SBNO2: variants seen among roughly 807,000 people sequenced by gnomAD.
SBNO2 encodes the protein strawberry notch homolog 2.
A neutral mutation model predicts 146.3 loss-of-function variants in SBNO2; 89 were observed. The observed-to-expected ratio is 0.61, with a 90% CI of 0.51 to 0.73. The LOEUF (loss-of-function observed/expected upper bound fraction) is 0.73. SBNO2 is among the 30% of genes least tolerant of loss of function. The probability of loss-of-function intolerance (pLI) is 0.00; values close to 1 mark genes in which losing one functional copy is unlikely to be tolerated. For missense variants in SBNO2, 2,092 were observed against 2,003.7 expected, an observed-to-expected ratio of 1.04 and a Z score of -0.84; for synonymous variants, 1,147 against 892.6, an observed-to-expected ratio of 1.29 and a Z score of -5.08.
At position 1,109,765 on chromosome 19, in the gene SBNO2, C is replaced by T; in HGVS notation, c.3041G>A (p.Gly1014Asp). 6.3e-7 allele frequency: 1 copy of T among 1,594,996 alleles called. No individual in the cohort carries two copies. Among genetic ancestry groups the T allele is most frequent in the East Asian group, 2.2e-5 (1 of 44,540 alleles). The change falls in exon 27 of 32, where the codon GGT becomes GAT. Residue 1014 changes from glycine to aspartate, a missense_variant. By Grantham distance (94) the Gly-to-Asp change is moderately conservative. Coordinates refer to ENST00000361757, the MANE Select transcript of SBNO2 (RefSeq NM_014963.3). This position sits in a 1 kb window ranked among gnomAD's most constrained non-coding sequence, Gnocchi z 4.2. Reference protein sequence around the residue: ...YDMGILDLAPGIEEIYEESQQ... With the variant: ...YDMGILDLAPDIEEIYEESQQ... ...GCTCTCCTCGTAGATCTCCTCGATA[C>T]CGGGAGCAAGGTCTAGGGGGGCGGG...
intron 10 of SBNO2, 60 bp downstream of exon 10, chr19:1,122,408 C>G (rs957193542): frequency 1.3e-6 from 2 of 1,527,704 alleles, no homozygotes; most frequent in African/African-American, 1.4e-5. Context: ...GCTGAGCAGC[C>G]CCCACTTTGC....
At chr19:1,141,506 G>A (rs774055155) in intron 4 of SBNO2, among the ~76,000 whole-genome samples, 1 of 151,372 alleles carries the variant, frequency 6.6e-6, no homozygotes, top group Non-Finnish European at 1.5e-5. Context: ...TGAGCACTGC[G>A]CCTGACCTGT....
At chr19:1,164,334 G>A (rs891520551) in intron 1 of SBNO2, among the ~76,000 whole-genome samples, 2 of 149,598 alleles carry the variant, frequency 1.3e-5, no homozygotes, top group Non-Finnish European at 3.0e-5. Flanking sequence ...CCGTGCACAG[G>A]AACAGGTGCT....
intron 1 of SBNO2, among the ~76,000 whole-genome samples, chr19:1,155,315 A>G (rs924869549): frequency 1.3e-5 from 2 of 152,166 alleles, no homozygotes; most frequent in South Asian, 2.1e-4. Context: ...CGCTCCAGAG[A>G]CAGTGGCCGG....
At chr19:1,115,330 T>G (rs1228585003) in intron 17 of SBNO2, 1 of 151,922 alleles carries the variant, frequency 6.6e-6, no homozygotes, top group East Asian at 1.9e-4. Flanking sequence ...AATCTCCACC[T>G]CTCAGGTTCA....
At position 1,117,460 on chromosome 19, in the gene SBNO2, A is replaced by T; in HGVS notation, c.1567T>A (p.Trp523Arg). 6.3e-7 allele frequency: 1 copy of T among 1,588,592 alleles called. No individual in the cohort carries two copies. The highest frequency in any genetic ancestry group is 8.6e-7 in the Non-Finnish European group (1 of 1,169,132). The change falls in exon 15 of 32, where the codon TGG becomes AGG. Residue 523 changes from tryptophan to arginine, a missense_variant. Coordinates refer to ENST00000361757, the MANE Select transcript of SBNO2 (RefSeq NM_014963.3). ...ALNVFQQAAD[W>R]IGLESRKSLW... ...GACTTGCGCGACTCCAGGCCGATCC[A>T]GTCGGCCGCCTGCTGGAACACGTTC...
At chr19:1,141,055 C>CGGAGAAGACGCACCCT (rs1568607228) in intron 4 of SBNO2, among the ~76,000 whole-genome samples, 59 of 151,744 alleles carry the variant, frequency 3.9e-4, no homozygotes, top group African/African-American at 1.4e-3. Context: ...AGACGCACCC[C>CGGAGAAGACGCACCCT]GGAGAAGAGG....
Position 1,108,608 on chromosome 19 carries a change from C to G in SBNO2, c.3713G>C (p.Cys1238Ser). The part of the protein sequence containing the change: ...VKRRQAPALG[C>S]PAPPAPRPLA... ...CGGGCGCGGGGCGGGCGGGGCGGGG[C>G]AGCCCAGGGCGGGCGCCTGCCTGCG... Residue 1238 changes from cysteine (C) to serine (S), a missense_variant, in exon 32 of 32, where the codon TGC becomes TCC. Transcript: ENST00000361757. 1 of 1,389,194 alleles carries G rather than the reference C, an allele frequency of 7.2e-7. No homozygotes were observed. Among genetic ancestry groups the G allele is most frequent in the East Asian group, 3.3e-5 (1 of 30,376 alleles). The allele number at this position is 1,389,194 out of a possible 1,614,324, so 86.1% of individuals were successfully genotyped here.
intron 1 of SBNO2, among the ~76,000 whole-genome samples, chr19:1,161,627 C>T (rs997832597): frequency 2.0e-5 from 3 of 151,642 alleles, no homozygotes; most frequent in Non-Finnish European, 2.9e-5. Context: ...CTCTTGGGCC[C>T]GATGAAGCGG....
rs1005637595 is a variant in SBNO2 at position 1,157,092 on chromosome 19, C to T, written c.-126-2690G>A. 3.3e-5 allele frequency among the ~76,000 whole-genome samples: 5 copies of T among 152,076 alleles called. No individual in the cohort carries two copies. Among genetic ancestry groups the T allele is most frequent in the African/African-American group, 1.2e-4 (5 of 41,408 alleles). ...CAGGCCCTCCCGCAGCCCCCAGCCC[C>T]TAGCCCTGCCTGCAGACTCGGTCCT... On this transcript the variant is annotated intron_variant, in intron 1 of 31. Transcript: ENST00000361757. The surrounding 1 kb of genome is among the most constrained non-coding windows in gnomAD (Gnocchi z 6.8).
rs905466530 is a variant in SBNO2, at chr19:1,122,720, T to C, written c.852A>G (p.Lys284=). 3 of 1,536,836 alleles carry C rather than the reference T, an allele frequency of 2.0e-6. No homozygotes were observed. Among genetic ancestry groups the C allele is most frequent in the Non-Finnish European group, 2.6e-6 (3 of 1,146,426 alleles). ...FLIGDGAGVG[K]GRTVAGVILE... ...GGATGACTCCGGCCACCGTCCGGCC[T>C]TTGCCCACGCCGGCCCCATCGCCGA... is the stretch of plus-strand genomic sequence containing the variant. Residue 284 remains lysine, a synonymous_variant, in exon 9 of 32, where the codon AAA becomes AAG. Coordinates refer to ENST00000361757, the MANE Select transcript of SBNO2 (RefSeq NM_014963.3).
chr19:1,128,750 T>C (rs1055939489), intron 4 of SBNO2, among the ~76,000 whole-genome samples: 1 of 150,470 alleles, frequency 6.6e-6, no homozygotes, highest in Non-Finnish European at 1.5e-5. Context: ...GGAAGATTGC[T>C]TGAGTCCAGG....
In SBNO2 at chr19:1,144,633, CAGAG is replaced by C. The variant is rs768501791; in HGVS notation, c.279+2672_279+2675del. ...AGGCAGAGAGGGAAACAGACGAAGA[CAGAG>C]AGGGCGACAGAGACAGAGGCAGAGA... On this transcript the variant is annotated intron_variant, in intron 4 of 31. Coordinates refer to ENST00000361757, the MANE Select transcript of SBNO2 (RefSeq NM_014963.3). This position sits in a 1 kb window ranked among gnomAD's most constrained non-coding sequence, Gnocchi z 4.1. Among the ~76,000 whole-genome samples the C allele has an allele frequency of 2.8e-5, 4 of 144,824 alleles. No homozygotes were observed. Among genetic ancestry groups the C allele is most frequent in the Admixed American group, 1.4e-4 (2 of 14,672 alleles).
rs1425481411 is a variant in SBNO2, at chr19:1,122,516, G to C, written c.957C>G (p.Asp319Glu). 10 of 1,565,002 alleles carry C rather than the reference G, an allele frequency of 6.4e-6. No individual in the cohort carries two copies. The highest frequency in any genetic ancestry group is 8.6e-6 in the Non-Finnish European group (10 of 1,157,326). Reference sequence around the variant, plus strand: ...TGCCCGTGGCTTCGATGTCCCGCAGGTCGCGCTCCGCATCGTACTTGAGGT... The same window carrying C: ...TGCCCGTGGCTTCGATGTCCCGCAGCTCGCGCTCCGCATCGTACTTGAGGT... ...SNDLKYDAERDLRDIEATGIA... is the reference protein window; with the variant it reads ...SNDLKYDAERELRDIEATGIA... Residue 319 changes from aspartate to glutamate, a missense_variant, in exon 10 of 32, where the codon GAC becomes GAG. Asp to Glu is a conservative substitution (Grantham distance 45, BLOSUM62 2). Coordinates refer to ENST00000361757, the MANE Select transcript of SBNO2 (RefSeq NM_014963.3).
At position 1,117,548 on chromosome 19, in the gene SBNO2, C is replaced by A. The variant is rs768195355; in HGVS notation, c.1528-49G>T. On this transcript the variant is annotated intron_variant, in intron 14 of 31. Transcript: ENST00000361757. ...CCCCTGAGCTGTGGCTCCTGGCTCC[C>A]GACCCGGGCCCCGGCCCACCTGCCG... The A allele has an allele frequency of 4.6e-6, 7 of 1,506,866 alleles. No individual in the cohort carries two copies. The East Asian group carries it at 1.7e-4, about 37-fold the overall frequency. The allele number at this position is 1,506,866 out of a possible 1,614,324, so 93.3% of individuals were successfully genotyped here. A position where few individuals can be genotyped will look rare whatever the true frequency, so the allele number is the denominator to read the frequency against.
Position 1,147,435 on chromosome 19 carries a change from G to GGC in SBNO2, c.168-16_168-15insGC. ...TCATGAACGGGCTGGAGGGAGATGG[G>GGC]GGGGGGGGAGGTGAGATGGGGTGCT... is the stretch of plus-strand genomic sequence containing the variant. On this transcript the variant is annotated splice_polypyrimidine_tract_variant and intron_variant, in intron 3 of 31. Coordinates refer to ENST00000361757, the MANE Select transcript of SBNO2 (RefSeq NM_014963.3). The GGC allele has an allele frequency of 1.6e-6, 2 of 1,277,378 alleles. No homozygotes were observed. The highest frequency in any genetic ancestry group is 2.1e-6 in the Non-Finnish European group (2 of 935,188). The allele number at this position is 1,277,378 out of a possible 1,614,324, so 79.1% of individuals were successfully genotyped here. A position where few individuals can be genotyped will look rare whatever the true frequency, so the allele number is the denominator to read the frequency against.
chr19:1,109,872 A>C lies in SBNO2; in HGVS notation c.3029-95T>G. On this transcript the variant is annotated intron_variant, in intron 26 of 31. Coordinates refer to ENST00000361757, the MANE Select transcript of SBNO2 (RefSeq NM_014963.3). This position sits in a 1 kb window ranked among gnomAD's most constrained non-coding sequence, Gnocchi z 4.2. ...GTAGCCGGGGCGCACCCTAGAGACG[A>C]CCCCCCGAGAGCACAGGAGAGGGTG... is the stretch of plus-strand genomic sequence containing the variant. 4 of 786,910 alleles carry C rather than the reference A, an allele frequency of 5.1e-6. No homozygotes were observed. The highest frequency in any genetic ancestry group is 7.7e-6 in the Non-Finnish European group (4 of 517,376). 48.7% of individuals were successfully genotyped at this position (786,910 alleles called of 1,614,324 possible).
chr19:1,166,181 T>TC lies in SBNO2; in HGVS notation c.-127+7990dup, dbSNP rs2080422099. On this transcript the variant is annotated intron_variant, in intron 1 of 31. Transcript: ENST00000361757. Reference sequence around the variant, plus strand: ...AGACTTCAGATCCCCAGACCCCAGATCCCAGACTTCAGATCCCCGGATCCC... The same window carrying TC: ...AGACTTCAGATCCCCAGACCCCAGATCCCCAGACTTCAGATCCCCGGATCCC... 7.9e-5 allele frequency among the ~76,000 whole-genome samples: 3 copies of TC among 37,952 alleles called. No individual in the cohort carries two copies. The South Asian group carries it at 2.7e-3, about 34-fold the overall frequency. 24.9% of individuals were successfully genotyped at this position (37,952 alleles called of 152,430 possible).
chr19:1,164,741 G>A (rs868361372), intron 1 of SBNO2, among the ~76,000 whole-genome samples: 5 of 102,182 alleles, frequency 4.9e-5, no homozygotes, highest in African/African-American at 1.1e-4. Context: ...GGAGGAGGAG[G>A]AACAGGTGCT....
Sources: gnomAD v4.1 joint callset for allele counts (sites outside exome capture counted in the v4.1 genomes callset) on GRCh38, gnomAD v4.1.1 for gene constraint, Gnocchi (gnomAD v3.1) non-coding constraint, MANE v1.5 for transcripts, NCBI Gene and HGNC (gene_info 2026-07-23, HGNC 2026-07-21) for gene names.